HECW1: variants seen among roughly 807,000 people sequenced by gnomAD.
The protein encoded by HECW1 is E3 ubiquitin-protein ligase HECW1.
HECW1 carries 61 observed loss-of-function variants against 182.3 expected under a neutral mutation model. The ratio of observed to expected loss-of-function variants is 0.33; its 90% CI spans 0.27 to 0.41. The LOEUF is 0.41. HECW1 is among the 10% of genes least tolerant of loss of function. The pLI, the probability that HECW1 is intolerant of heterozygous loss-of-function variation, is 1.00. For missense variants in HECW1, 1,739 were observed against 2,108.9 expected, an observed-to-expected ratio of 0.82 and a Z score of 3.44; for synonymous variants, 859 against 832.6, an observed-to-expected ratio of 1.03 and a Z score of -0.55.
intron 2 of HECW1, among the ~76,000 whole-genome samples, chr7:43,143,751 G>T (rs1788412568): frequency 6.6e-6 from 1 of 152,154 alleles, no homozygotes; most frequent in Admixed American, 6.5e-5. Flanking sequence ...GCAAAATGTG[G>T]TCATTCCATG....
chr7:43,533,984 G>A (rs192300008), intron 24 of HECW1, among the ~76,000 whole-genome samples: 122 of 152,292 alleles, frequency 8.0e-4, no homozygotes, highest in African/African-American at 2.9e-3. Flanking sequence ...GTCACCCAAA[G>A]CAGGAGACCC....
At chr7:43,440,023 T>G (rs1230508682) in intron 9 of HECW1, 1 of 152,422 alleles carries the variant, frequency 6.6e-6, no homozygotes, top group Non-Finnish European at 1.5e-5. Context: ...CAAAGCCTTC[T>G]GCTTCCACAG....
chr7:43,242,970 C>A (rs1357311036), intron 2 of HECW1, among the ~76,000 whole-genome samples: 4 of 152,186 alleles, frequency 2.6e-5, no homozygotes, highest in South Asian at 4.2e-4. Flanking sequence ...GGGTTGAGAA[C>A]ATAATCTCTG....
intron 17 of HECW1, among the ~76,000 whole-genome samples, chr7:43,491,486 G>A (rs928652425): frequency 6.6e-6 from 1 of 152,096 alleles, no homozygotes; most frequent in African/African-American, 2.4e-5. Context: ...AAAGTTATAG[G>A]CGTACCTTAC....
At chr7:43,527,659 T>C (rs1421907510) in intron 24 of HECW1, among the ~76,000 whole-genome samples, 1 of 152,202 alleles carries the variant, frequency 6.6e-6, no homozygotes, top group Non-Finnish European at 1.5e-5. Context: ...TGGGCATATC[T>C]TGTGGGAGCC....
intron 24 of HECW1, among the ~76,000 whole-genome samples, chr7:43,535,977 A>G (rs1037231411): frequency 6.6e-5 from 10 of 152,222 alleles, no homozygotes; most frequent in African/African-American, 2.4e-4. Flanking sequence ...TATGAAAATA[A>G]CTTATATCAG....
chr7:43,421,221 T>G (rs1351695676), intron 8 of HECW1, among the ~76,000 whole-genome samples: 1 of 152,210 alleles, frequency 6.6e-6, no homozygotes, highest in Non-Finnish European at 1.5e-5. Context: ...TGATGTTGGG[T>G]CAATTTGCTG....
intron 6 of HECW1, among the ~76,000 whole-genome samples, chr7:43,370,146 C>T (rs1260364787): frequency 6.6e-6 from 1 of 152,220 alleles, no homozygotes; most frequent in East Asian, 1.9e-4. Flanking sequence ...CAAGAACTCA[C>T]GAAAGTCAAC....
intron 5 of HECW1, among the ~76,000 whole-genome samples, chr7:43,327,202 G>A (rs1045266131): frequency 2.0e-5 from 3 of 152,174 alleles, no homozygotes; most frequent in South Asian, 2.1e-4. Context: ...CCTGTGCAAC[G>A]TAAAGGTGTG....
intron 20 of HECW1, among the ~76,000 whole-genome samples, chr7:43,501,009 T>C (rs2079329724): frequency 6.6e-6 from 1 of 152,160 alleles, no homozygotes; most frequent in Non-Finnish European, 1.5e-5. Flanking sequence ...GGAGACTTTG[T>C]TGTAGGATTA....
intron 3 of HECW1, among the ~76,000 whole-genome samples, chr7:43,254,051 G>C (rs1800310015): frequency 6.6e-6 from 1 of 152,190 alleles, no homozygotes; most frequent in African/African-American, 2.4e-5. Flanking sequence ...TCTGGACTCT[G>C]AGTCTGTGCT....
At chr7:43,476,297 C>T (rs1041579683) in intron 16 of HECW1, among the ~76,000 whole-genome samples, 4 of 152,040 alleles carry the variant, frequency 2.6e-5, no homozygotes, top group Admixed American at 6.6e-5. Context: ...TATTAAATAC[C>T]TATAAATTAT....
intron 1 of HECW1, chr7:43,113,695 A>G (rs1323289330): frequency 9.7e-6 from 2 of 205,574 alleles, no homozygotes; most frequent in African/African-American, 2.3e-5. Context: ...CGTCCGGTCC[A>G]TTTTTGGCTG....
intron 5 of HECW1, among the ~76,000 whole-genome samples, chr7:43,353,407 C>T (rs942200903): frequency 6.6e-6 from 1 of 152,128 alleles, no homozygotes. Flanking sequence ...CCAACAACTT[C>T]TCAGAAGAGT....
At chr7:43,197,647 A>G (rs1794591646) in intron 2 of HECW1, among the ~76,000 whole-genome samples, 1 of 152,144 alleles carries the variant, frequency 6.6e-6, no homozygotes. Context: ...GGCTCATGGT[A>G]AGACAAGGAT....
At chr7:43,465,383 G>A (rs973554267) in intron 14 of HECW1, among the ~76,000 whole-genome samples, 3 of 152,186 alleles carry the variant, frequency 2.0e-5, no homozygotes, top group Admixed American at 6.5e-5. Flanking sequence ...TGCGGAGTCG[G>A]CCACAGGCTG....
chr7:43,175,382 G>A (rs1207995365), intron 2 of HECW1, among the ~76,000 whole-genome samples: 1 of 152,134 alleles, frequency 6.6e-6, no homozygotes, highest in Non-Finnish European at 1.5e-5. Context: ...GTGACATTTT[G>A]TATCCTTTGA....
chr7:43,213,763 T>G lies in HECW1; in HGVS notation c.-31-30112T>G, dbSNP rs1002407962. Among the ~76,000 whole-genome samples the G allele has an allele frequency of 7.9e-5, 12 of 152,276 alleles. No individual in the cohort carries two copies. In the East Asian group the frequency reaches 2.3e-3, roughly 29 times the overall value. On this transcript the variant is annotated intron_variant, in intron 2 of 29. Coordinates refer to ENST00000395891, the MANE Select transcript of HECW1 (RefSeq NM_015052.5). ...CCCAGCCAATAATTTTTTTAAAAAT[T>G]AAATTTAAATCTTTATACATATTTT...
At chr7:43,462,271 G>A (rs747723446) in intron 13 of HECW1, among the ~76,000 whole-genome samples, 4 of 151,988 alleles carry the variant, frequency 2.6e-5, no homozygotes, top group Non-Finnish European at 5.9e-5. Context: ...TCCAGCCTAG[G>A]CTGTTGCAGG....
Sources: gnomAD v4.1 joint callset for allele counts (sites outside exome capture counted in the v4.1 genomes callset) on GRCh38, gnomAD v4.1.1 for gene constraint, MANE v1.5 for transcripts, NCBI Gene and HGNC (gene_info 2026-07-23, HGNC 2026-07-21) for gene names.